Variants in CA10 observed in about 807,000 individuals in gnomAD.
CA10 encodes the protein carbonic anhydrase-related protein 10.
Under a neutral mutation model 44.2 loss-of-function variants are expected in CA10, and 14 were observed. The ratio of observed to expected loss-of-function variants is 0.32; its 90% CI spans 0.21 to 0.50. The LOEUF is 0.50. Among genes scored for constraint, CA10 ranks in the 20% least tolerant of loss-of-function variants. CA10 has a pLI of 0.99. For missense variants in CA10, 350 were observed against 409.7 expected, an observed-to-expected ratio of 0.85 and a Z score of 1.26; for synonymous variants, 159 against 141.6, an observed-to-expected ratio of 1.12 and a Z score of -0.87.
At chr17:51,882,948 C>T (rs1470637694) in intron 3 of CA10, among the ~76,000 whole-genome samples, 1 of 152,048 alleles carries the variant, frequency 6.6e-6, no homozygotes, top group Non-Finnish European at 1.5e-5. Context: ...ATAATCCTGG[C>T]TGGGTACATC....
At chr17:51,935,493 A>G (rs1172409376) in intron 2 of CA10, among the ~76,000 whole-genome samples, 1 of 152,200 alleles carries the variant, frequency 6.6e-6, no homozygotes, top group Middle Eastern at 3.2e-3. Context: ...TCTAATTTAC[A>G]TATAAACTAG....
At chr17:51,833,138 G>T (rs575227582) in intron 3 of CA10, among the ~76,000 whole-genome samples, 41 of 150,452 alleles carry the variant, frequency 2.7e-4, no homozygotes, top group African/African-American at 1.0e-3. Flanking sequence ...TCTTCCCTTA[G>T]TGCCTCTGCT....
intron 3 of CA10, among the ~76,000 whole-genome samples, chr17:51,794,980 G>A (rs10432036): frequency 0.51 from 77,055 of 152,064 alleles, 22,884 homozygotes; most frequent in East Asian, 0.69. Context: ...GGGAGAAAGA[G>A]ACCACAAAGA....
At chr17:51,840,478 TACACAC>T (rs3033576) in intron 3 of CA10, among the ~76,000 whole-genome samples, 50,805 of 146,432 alleles carry the variant, frequency 0.35, 9,246 homozygotes, top group Non-Finnish European at 0.42. Context: ...CAACCTTTAA[TACACAC>T]ACACACACAC....
At chr17:52,072,716 C>CACACACAA (rs776721118) in intron 1 of CA10, among the ~76,000 whole-genome samples, 4 of 123,466 alleles carry the variant, frequency 3.2e-5, no homozygotes, top group South Asian at 2.6e-4. Flanking sequence ...CACACACACA[C>CACACACAA]AACACACACA....
Position 52,115,668 on chromosome 17 carries a change from C to T in CA10, c.61+42058G>A, listed in dbSNP as rs1465112814. 7.2e-5 allele frequency among the ~76,000 whole-genome samples: 11 copies of T among 152,360 alleles called. No individual in the cohort carries two copies. The East Asian group carries it at 2.1e-3, about 29-fold the overall frequency. The stretch of plus-strand genomic sequence containing the variant: ...GGGTGAGCAGCAGCTCCCCGCCCCC[C>T]TCCCCTCTCGGTTGGGGCTGGGGCA... On this transcript the variant is annotated intron_variant, in intron 1 of 8. Coordinates refer to ENST00000451037, the MANE Select transcript of CA10 (RefSeq NM_020178.5).
At chr17:51,658,172 A>G (rs1597967442) in intron 4 of CA10, among the ~76,000 whole-genome samples, 1 of 152,274 alleles carries the variant, frequency 6.6e-6, no homozygotes, top group South Asian at 2.1e-4. Context: ...GAAGTCCTCC[A>G]TGATCTGATG....
intron 1 of CA10, among the ~76,000 whole-genome samples, chr17:52,106,619 C>T (rs1422007206): frequency 6.6e-6 from 1 of 152,076 alleles, no homozygotes; most frequent in African/African-American, 2.4e-5. Flanking sequence ...ATTTCTAGGG[C>T]TTAATTAAGG....
intron 4 of CA10, among the ~76,000 whole-genome samples, chr17:51,727,402 T>TA (rs1417116420): frequency 6.6e-6 from 1 of 151,716 alleles, no homozygotes; most frequent in Non-Finnish European, 1.5e-5. Context: ...CAAGACGATT[T>TA]TTTTTTTTAC....
chr17:52,094,529 T>C (rs1988355338), intron 1 of CA10, among the ~76,000 whole-genome samples: 3 of 152,062 alleles, frequency 2.0e-5, no homozygotes, highest in Admixed American at 6.6e-5. Context: ...AATTCATGAG[T>C]TGGGAGAAGA....
At chr17:52,109,822 G>A (rs999779966) in intron 1 of CA10, among the ~76,000 whole-genome samples, 1 of 152,172 alleles carries the variant, frequency 6.6e-6, no homozygotes, top group South Asian at 2.1e-4. Context: ...TGACTTTCAG[G>A]CAGTCAATTT....
At chr17:51,817,165 A>G (rs1466974497) in intron 3 of CA10, among the ~76,000 whole-genome samples, 1 of 152,192 alleles carries the variant, frequency 6.6e-6, no homozygotes, top group Non-Finnish European at 1.5e-5. Flanking sequence ...ATGGAAATGC[A>G]CAACAGATGA....
At position 51,989,153 on chromosome 17, in the gene CA10, C is replaced by CTTT. The variant is rs558333341; in HGVS notation, c.137-58024_137-58022dup. On this transcript the variant is annotated intron_variant, in intron 2 of 8. Coordinates refer to ENST00000451037, the MANE Select transcript of CA10 (RefSeq NM_020178.5). ...AGCTACTATATCAGAATCTCTGTTT[C>CTTT]TTTTTTTTTTTTTTTTAACTTTTAA... 7.6e-3 allele frequency among the ~76,000 whole-genome samples: 1,030 copies of CTTT among 135,140 alleles called. 15 individuals are homozygous for CTTT. The highest frequency in any genetic ancestry group is 0.026 in the African/African-American group (972 of 37,120). 88.7% of individuals were successfully genotyped at this position (135,140 alleles called of 152,430 possible). A position where few individuals can be genotyped will look rare whatever the true frequency, so the allele number is the denominator to read the frequency against.
chr17:51,664,392 A>G (rs1266706095), intron 4 of CA10, among the ~76,000 whole-genome samples: 1 of 152,164 alleles, frequency 6.6e-6, no homozygotes, highest in Non-Finnish European at 1.5e-5. Flanking sequence ...TTAAGGGTAA[A>G]TCAATGCTGG....
In CA10 at chr17:51,740,107, A is replaced by G. The variant is rs533265912; in HGVS notation, c.465+7526T>C. The stretch of plus-strand genomic sequence containing the variant: ...TTATGACTATACAATTTAATTCATG[A>G]TCTATTGGGTATAATCTAGGTACTT... On this transcript the variant is annotated intron_variant, in intron 4 of 8. Transcript: ENST00000451037. Among the ~76,000 whole-genome samples, 12 of 152,146 alleles carry G rather than the reference A, an allele frequency of 7.9e-5. No individual in the cohort carries two copies. In the South Asian group the frequency reaches 2.3e-3, roughly 29 times the overall value.
intron 2 of CA10, among the ~76,000 whole-genome samples, chr17:51,946,165 G>GGAGAT (rs1054846082): frequency 1.3e-5 from 2 of 152,128 alleles, no homozygotes; most frequent in African/African-American, 2.4e-5. Context: ...GAGCAATTGG[G>GGAGAT]GAGATGTTAG....
At chr17:52,114,112 C>T (rs761290242) in intron 1 of CA10, among the ~76,000 whole-genome samples, 8 of 152,208 alleles carry the variant, frequency 5.3e-5, no homozygotes, top group Admixed American at 3.9e-4. Flanking sequence ...AAAGATTAAG[C>T]TAAAACATCT....
At chr17:52,035,560 CAA>C (rs1986592733) in intron 2 of CA10, among the ~76,000 whole-genome samples, 1 of 152,110 alleles carries the variant, frequency 6.6e-6, no homozygotes, top group Non-Finnish European at 1.5e-5. Flanking sequence ...CACAAAAAAA[CAA>C]AAGACTCACT....
intron 2 of CA10, among the ~76,000 whole-genome samples, chr17:51,961,521 G>T (rs567678983): frequency 6.6e-6 from 1 of 152,002 alleles, no homozygotes; most frequent in Non-Finnish European, 1.5e-5. Flanking sequence ...GAAATCAAAA[G>T]GTGGTTTGTT....
Sources: allele counts gnomAD v4.1 joint callset (sites outside exome capture counted in the v4.1 genomes callset), GRCh38; gene constraint gnomAD v4.1.1; transcripts MANE v1.5; gene names NCBI Gene and HGNC (gene_info 2026-07-23, HGNC 2026-07-21).